The following ZNF551 variants were observed in gnomAD, a reference collection of about 807,000 sequenced individuals.
The protein encoded by ZNF551 is zinc finger protein 551.
Under a neutral mutation model 7.9 loss-of-function variants are expected in ZNF551, and 5 were observed. The observed-to-expected ratio is 0.63, with a 90% CI of 0.33 to 1.33. ZNF551 has a LOEUF of 1.33. Among genes scored for constraint, ZNF551 ranks in the 40% most tolerant of loss-of-function variants. The pLI, the probability that ZNF551 is intolerant of heterozygous loss-of-function variation, is 0.05. For synonymous variants in ZNF551, 287 were observed against 277.3 expected, an observed-to-expected ratio of 1.03 and a Z score of -0.35; for missense variants, 788 against 825.2, an observed-to-expected ratio of 0.95 and a Z score of 0.55.
chr19:57,682,070 A>C lies in ZNF551; in HGVS notation c.-94A>C. On this transcript the variant is annotated 5_prime_UTR_variant, in exon 1 of 3. Transcript: ENST00000282296. ...CTGCAGTGGAGGTCGCGACTGAGGG[A>C]CGGGACAGAGAAGTCGCGAAAGTGG... 7.5e-7 allele frequency: 1 copy of C among 1,339,578 alleles called. No individual in the cohort carries two copies. Among genetic ancestry groups the C allele is most frequent in the South Asian group, 1.3e-5 (1 of 74,660 alleles). The allele number at this position is 1,339,578 out of a possible 1,614,324, so 83.0% of individuals were successfully genotyped here. A position where few individuals can be genotyped will look rare whatever the true frequency, so the allele number is the denominator to read the frequency against.
At position 57,690,094 on chromosome 19, in the gene ZNF551, A is replaced by C. The variant is rs1240336731; in HGVS notation, c.*1806A>C. On this transcript the variant is annotated 3_prime_UTR_variant, in exon 3 of 3. Coordinates refer to ENST00000282296, the MANE Select transcript of ZNF551 (RefSeq NM_138347.5). ...ATCAGGTTGCCACCCTGATTAAAAA[A>C]AAAGGAACATCTAGGCTCTTAATTT... 6.6e-6 allele frequency: 1 copy of C among 152,176 alleles called. No homozygotes were observed. Among genetic ancestry groups the C allele is most frequent in the South Asian group, 2.1e-4 (1 of 4,830 alleles). 9.4% of individuals were successfully genotyped at this position (152,176 alleles called of 1,614,324 possible). A position where few individuals can be genotyped will look rare whatever the true frequency, so the allele number is the denominator to read the frequency against.
In ZNF551 at chr19:57,682,183, GC is replaced by G; in HGVS notation, c.22del (p.Arg8AlafsTer15). The G allele has an allele frequency of 6.5e-7, 1 of 1,549,218 alleles. No homozygotes were observed. Among genetic ancestry groups the G allele is most frequent in the South Asian group, 1.2e-5 (1 of 84,004 alleles). On this transcript the variant is annotated frameshift_variant, in exon 1 of 3. Coordinates refer to ENST00000282296, the MANE Select transcript of ZNF551 (RefSeq NM_138347.5). LOFTEE classifies it high-confidence loss of function. ...GTTCGAATGCCCGCCCCGGTCGGCC[GC>G]CGCTCCCCGCCTAGTCCACGGAGCT... MPAPVG[R>X]RSPPSPRSSM...
In ZNF551 at chr19:57,687,381, G is replaced by C; in HGVS notation, c.1106G>C (p.Gly369Ala). 1 of 1,614,052 alleles carries C rather than the reference G, an allele frequency of 6.2e-7. No homozygotes were observed. Among genetic ancestry groups the C allele is most frequent in the Non-Finnish European group, 8.5e-7 (1 of 1,180,002 alleles). Reference sequence around the variant, plus strand: ...AGGCCTTATGAATGTGGCGAGTGCGGGAAATCCTTTAGACAAAGCTCTAGC... The same window carrying C: ...AGGCCTTATGAATGTGGCGAGTGCGCGAAATCCTTTAGACAAAGCTCTAGC... ...GERPYECGEC[G>A]KSFRQSSSLF... The change falls in exon 3 of 3, where the codon GGG becomes GCG. Residue 369 changes from glycine to alanine, a missense_variant. Gly to Ala is a moderately conservative substitution (Grantham distance 60). Coordinates refer to ENST00000282296, the MANE Select transcript of ZNF551 (RefSeq NM_138347.5).
In ZNF551 at chr19:57,682,040, A is replaced by G. The variant is rs1034212056; in HGVS notation, c.-124A>G. Reference sequence around the variant, plus strand: ...CTCTGTCCTGTTTGTCCAGCCCGCCAGTTTCTGCAGTGGAGGTCGCGACTG... The same window carrying G: ...CTCTGTCCTGTTTGTCCAGCCCGCCGGTTTCTGCAGTGGAGGTCGCGACTG... On this transcript the variant is annotated 5_prime_UTR_variant, in exon 1 of 3. Coordinates refer to ENST00000282296, the MANE Select transcript of ZNF551 (RefSeq NM_138347.5). 6.4e-5 allele frequency: 66 copies of G among 1,028,510 alleles called. No homozygotes were observed. The highest frequency in any genetic ancestry group is 5.7e-4 in the African/African-American group (36 of 62,626). 63.7% of individuals were successfully genotyped at this position (1,028,510 alleles called of 1,614,324 possible).
At position 57,687,798 on chromosome 19, in the gene ZNF551, G is replaced by T; in HGVS notation, c.1523G>T (p.Cys508Phe). 1 of 1,614,196 alleles carries T rather than the reference G, an allele frequency of 6.2e-7. No homozygotes were observed. The highest frequency in any genetic ancestry group is 8.5e-7 in the Non-Finnish European group (1 of 1,180,042). The change falls in exon 3 of 3, where the codon TGT becomes TTT. Residue 508 changes from cysteine (C) to phenylalanine (F), a missense_variant. Coordinates refer to ENST00000282296, the MANE Select transcript of ZNF551 (RefSeq NM_138347.5). ...TGERPYECSE[C>F]GKSFTRKSDL... ...GAAAGACCTTATGAATGCAGTGAAT[G>T]TGGAAAATCCTTTACCCGCAAATCT...
At chr19:57,685,632 A>G (rs897877492) in intron 2 of ZNF551, among the ~76,000 whole-genome samples, 2 of 152,212 alleles carry the variant, frequency 1.3e-5, no homozygotes, top group Non-Finnish European at 2.9e-5. Flanking sequence ...TATGTGAACT[A>G]TGGAGCTCTT....
chr19:57,685,420 T>C, intron 2 of ZNF551, 35 bp downstream of exon 2: 1 of 1,613,796 alleles, frequency 6.2e-7, no homozygotes, highest in Non-Finnish European at 8.5e-7. Flanking sequence ...TGTCTGCTTT[T>C]CTTTTTGACC....
At position 57,689,550 on chromosome 19, in the gene ZNF551, A is replaced by C; in HGVS notation, c.*1262A>C. 1 of 152,286 alleles carries C rather than the reference A, an allele frequency of 6.6e-6. No individual in the cohort carries two copies. Among genetic ancestry groups the C allele is most frequent in the Non-Finnish European group, 1.5e-5 (1 of 68,072 alleles). 9.4% of individuals were successfully genotyped at this position (152,286 alleles called of 1,614,324 possible). ...TCTGGCCGGGCATGGTGTAATCCTA[A>C]CACTTTGGGAGGCCAAGGCGGGCGG... On this transcript the variant is annotated 3_prime_UTR_variant, in exon 3 of 3. Transcript: ENST00000282296.
At position 57,685,298 on chromosome 19, in the gene ZNF551, C is replaced by A; in HGVS notation, c.118C>A (p.Gln40Lys). The A allele has an allele frequency of 6.2e-7, 1 of 1,614,006 alleles. No individual in the cohort carries two copies. Among genetic ancestry groups the A allele is most frequent in the Non-Finnish European group, 8.5e-7 (1 of 1,179,910 alleles). The change falls in exon 2 of 3, where the codon CAA (glutamine) becomes AAA (lysine). Residue 40 changes from glutamine (Q) to lysine (K), a missense_variant. By Grantham distance (53) the Gln-to-Lys change is moderately conservative. Transcript: ENST00000282296. Reference sequence around the variant, plus strand: ...TGAGGATGTGGCCATTTATTTCTCCCAAGAAGAGTGGGAGCTCCTTGATGA... The same window carrying A: ...TGAGGATGTGGCCATTTATTTCTCCAAAGAAGAGTGGGAGCTCCTTGATGA... ...TFEDVAIYFS[Q>K]EEWELLDESQ... is the part of the protein sequence containing the mutation.
In ZNF551 at chr19:57,690,374, C is replaced by A. The variant is rs1406861635; in HGVS notation, c.*2086C>A. The A allele has an allele frequency of 4.2e-5, 1 of 23,598 alleles. No individual in the cohort carries two copies. The highest frequency in any genetic ancestry group is 6.1e-4 in the African/African-American group (1 of 1,628). The allele number at this position is 23,598 out of a possible 1,614,324, so 1.5% of individuals were successfully genotyped here. ...TCTGGAGTTTTTACTGAGATACATA[C>A]ACACACACACACACACACACACACA... On this transcript the variant is annotated 3_prime_UTR_variant, in exon 3 of 3. Coordinates refer to ENST00000282296, the MANE Select transcript of ZNF551 (RefSeq NM_138347.5).
chr19:57,682,432 C>T (rs1984416858), intron 1 of ZNF551, among the ~76,000 whole-genome samples, 188 bp downstream of exon 1: 1 of 152,140 alleles, frequency 6.6e-6, no homozygotes, highest in Admixed American at 6.5e-5. Context: ...CTGGCGCGTG[C>T]AGAACTTGGA....
chr19:57,682,230 AG>A lies in ZNF551; in HGVS notation c.70del (p.Asp24ThrfsTer6). On this transcript the variant is annotated frameshift_variant, in exon 1 of 3. Coordinates refer to ENST00000282296, the MANE Select transcript of ZNF551 (RefSeq NM_138347.5). LOFTEE classifies it high-confidence loss of function. ...GAGCTCAATGGCGGCAGTCGCGCTGAGGGACTCGGCTCAGGTGAGTTGTGCG... is the reference window on the plus strand; with the variant it reads ...GAGCTCAATGGCGGCAGTCGCGCTGAGGACTCGGCTCAGGTGAGTTGTGCG... ...PRSSMAAVAL[R>X]DSAQGMTFED... The A allele has an allele frequency of 1.3e-6, 2 of 1,550,478 alleles. No homozygotes were observed. Among genetic ancestry groups the A allele is most frequent in the Non-Finnish European group, 8.7e-7 (1 of 1,146,940 alleles).
At chr19:57,686,294 C>T (rs1336675427) in intron 2 of ZNF551, among the ~76,000 whole-genome samples, 187 bp from the exon 3 acceptor site, 1 of 152,178 alleles carries the variant, frequency 6.6e-6, no homozygotes, top group African/African-American at 2.4e-5. Context: ...GTATCCTTTG[C>T]GTGATGAGAT....
rs1224114782 is a variant in ZNF551 at position 57,690,392 on chromosome 19, CACACACACACGTATACGCATAT to C, written c.*2107_*2128del. 1 of 151,824 alleles carries C rather than the reference CACACACACACGTATACGCATAT, an allele frequency of 6.6e-6. No individual in the cohort carries two copies. 9.4% of individuals were successfully genotyped at this position (151,824 alleles called of 1,614,324 possible). ...ATACATACACACACACACACACACA[CACACACACACGTATACGCATAT>C]ACGTATACGTATATATATACATATG... On this transcript the variant is annotated 3_prime_UTR_variant, in exon 3 of 3. Coordinates refer to ENST00000282296, the MANE Select transcript of ZNF551 (RefSeq NM_138347.5).
intron 1 of ZNF551, among the ~76,000 whole-genome samples, chr19:57,684,272 G>T (rs1389935243): frequency 6.6e-6 from 1 of 152,236 alleles, no homozygotes; most frequent in African/African-American, 2.4e-5. Context: ...CATATGCTGA[G>T]TAACCAGTTG....
In ZNF551 at chr19:57,690,409, GCATATA is replaced by G. The variant is rs1184849720; in HGVS notation, c.*2123_*2128del. On this transcript the variant is annotated 3_prime_UTR_variant, in exon 3 of 3. Coordinates refer to ENST00000282296, the MANE Select transcript of ZNF551 (RefSeq NM_138347.5). ...CACACACACACACACACACGTATACGCATATACGTATACGTATATATATACATATGT... is the reference window on the plus strand; with the variant it reads ...CACACACACACACACACACGTATACGCGTATACGTATATATATACATATGT... The G allele has an allele frequency of 6.7e-6, 1 of 149,662 alleles. No individual in the cohort carries two copies. Among genetic ancestry groups the G allele is most frequent in the African/African-American group, 2.5e-5 (1 of 40,164 alleles). 9.3% of individuals were successfully genotyped at this position (149,662 alleles called of 1,614,324 possible). A position where few individuals can be genotyped will look rare whatever the true frequency, so the allele number is the denominator to read the frequency against.
At position 57,686,796 on chromosome 19, in the gene ZNF551, G is replaced by T; in HGVS notation, c.521G>T (p.Arg174Ile). ...GAGGCTACATTTGTGACCGGCTGCA[G>T]ATTCCATGTGTTGAATTATTTCACC... ...VDEATFVTGC[R>I]FHVLNYFTCG... The change falls in exon 3 of 3, where the codon AGA (arginine) becomes ATA (isoleucine). Residue 174 changes from arginine (R) to isoleucine (I), a missense_variant. Physicochemically the swap from Arg to Ile is moderately conservative, Grantham distance 97. Transcript: ENST00000282296. The T allele has an allele frequency of 6.2e-7, 1 of 1,614,222 alleles. No individual in the cohort carries two copies. The highest frequency in any genetic ancestry group is 8.5e-7 in the Non-Finnish European group (1 of 1,180,042).
intron 1 of ZNF551, among the ~76,000 whole-genome samples, chr19:57,684,392 G>C (rs1199224136): frequency 2.6e-5 from 4 of 152,164 alleles, no homozygotes; most frequent in Non-Finnish European, 5.9e-5. Context: ...ACAAGAATGT[G>C]AAGTGGTGGC....
At chr19:57,685,495 C>A in intron 2 of ZNF551, 110 bp downstream of exon 2, 2 of 1,543,212 alleles carry the variant, frequency 1.3e-6, no homozygotes, top group Non-Finnish European at 1.8e-6. Flanking sequence ...TCTTGTCTTC[C>A]CCCTGTCAGG....
Sources: allele counts gnomAD v4.1 joint callset (sites outside exome capture counted in the v4.1 genomes callset), GRCh38; gene constraint gnomAD v4.1.1; transcripts MANE v1.5; gene names NCBI Gene and HGNC (gene_info 2026-07-23, HGNC 2026-07-21).